The following CCDC171 variants were observed in gnomAD, a reference collection of about 807,000 sequenced individuals.
CCDC171 encodes coiled-coil domain containing 171.
In CCDC171, 177 loss-of-function variants were observed where a neutral mutation model predicts 168.2. That is an observed-to-expected ratio of 1.05 (90% CI 0.93 to 1.19). CCDC171 has a LOEUF of 1.19. Among genes scored for constraint, CCDC171 ranks in the 50% most tolerant of loss-of-function variants. CCDC171 has a pLI of 0.00. For missense variants in CCDC171, 1,991 were observed against 1,539.0 expected (o/e 1.29, Z -4.91); for synonymous variants, 687 against 540.8 (o/e 1.27, Z -3.75).
chr9:15,947,196 G>T (rs1397407654), intron 25 of CCDC171, among the ~76,000 whole-genome samples: 1 of 151,910 alleles, frequency 6.6e-6, no homozygotes, highest in Non-Finnish European at 1.5e-5. Context: ...GAAAATTATA[G>T]TTGCATATAT....
intron 25 of CCDC171, among the ~76,000 whole-genome samples, chr9:15,935,122 C>T (rs998132888): frequency 1.3e-4 from 20 of 151,994 alleles, no homozygotes; most frequent in African/African-American, 4.8e-4. Flanking sequence ...TTCCTGATGC[C>T]ATTGAATTGT....
chr9:15,636,972 T>C (rs1379151132), intron 7 of CCDC171, among the ~76,000 whole-genome samples: 1 of 151,148 alleles, frequency 6.6e-6, no homozygotes, highest in East Asian at 2.0e-4. Context: ...TAAGAAAATA[T>C]CGGCTGGGCG....
chr9:15,781,492 A>G (rs910898248), intron 20 of CCDC171, among the ~76,000 whole-genome samples: 1 of 152,146 alleles, frequency 6.6e-6, no homozygotes, highest in Non-Finnish European at 1.5e-5. Flanking sequence ...ATCTCAGCTC[A>G]CTGCAGCCTC....
intron 3 of CCDC171, among the ~76,000 whole-genome samples, chr9:16,008,099 AT>A (rs1230477196): frequency 1.3e-5 from 2 of 152,058 alleles, no homozygotes; most frequent in South Asian, 2.1e-4. Context: ...AAGTTTATCC[AT>A]TTTTTTGTTC....
chr9:16,008,389 A>T (rs1023612820), intron 3 of CCDC171, among the ~76,000 whole-genome samples: 1 of 152,018 alleles, frequency 6.6e-6, no homozygotes, highest in African/African-American at 2.4e-5. Context: ...TTAAGATCTC[A>T]TCTAAGTCTG....
downstream of CCDC171, among the ~76,000 whole-genome samples, chr9:16,065,145 C>T (rs997979923): frequency 2.6e-5 from 4 of 152,190 alleles, no homozygotes; most frequent in African/African-American, 4.8e-5. Context: ...TTCCCATAGC[C>T]ACTTACCAAA....
chr9:15,935,888 A>G (rs1260863691), intron 25 of CCDC171, among the ~76,000 whole-genome samples: 1 of 152,108 alleles, frequency 6.6e-6, no homozygotes, highest in Non-Finnish European at 1.5e-5. Context: ...AACTAAATGT[A>G]ATCAGACTCC....
At position 15,579,047 on chromosome 9, in the gene CCDC171, C is replaced by T. The variant is rs750599141; in HGVS notation, c.352+24C>T. 7.5e-6 allele frequency: 12 copies of T among 1,600,190 alleles called. No homozygotes were observed. The Admixed American group carries it at 1.9e-4, about 25-fold the overall frequency. On this transcript the variant is annotated intron_variant, in intron 4 of 25. Transcript: ENST00000380701. ...TGGTAAGACTGTTTCTATTTCTTCCCAAGTTTAGGGTTGTAACCTGATTGT... is the reference window on the plus strand; with the variant it reads ...TGGTAAGACTGTTTCTATTTCTTCCTAAGTTTAGGGTTGTAACCTGATTGT...
At chr9:15,728,142 T>C (rs2053933078) in intron 15 of CCDC171, 106 bp downstream of exon 15, 1 of 867,708 alleles carries the variant, frequency 1.2e-6, no homozygotes. Context: ...AAAAAGAATT[T>C]GGATGTTAAT....
At position 15,587,434 on chromosome 9, in the gene CCDC171, T is replaced by C. The variant is rs139686677; in HGVS notation, c.353-3932T>C. On this transcript the variant is annotated intron_variant, in intron 4 of 25. Coordinates refer to ENST00000380701, the MANE Select transcript of CCDC171 (RefSeq NM_173550.4). ...TGCCTGCTGCCATGCATGTAAGATATGACTTGCTTCTCCTTGCCTTCTGCC... is the reference window on the plus strand; with the variant it reads ...TGCCTGCTGCCATGCATGTAAGATACGACTTGCTTCTCCTTGCCTTCTGCC... 3.3e-5 allele frequency among the ~76,000 whole-genome samples: 5 copies of C among 152,328 alleles called. No homozygotes were observed. The East Asian group carries it at 5.8e-4, about 18-fold the overall frequency.
intron 18 of CCDC171, among the ~76,000 whole-genome samples, chr9:15,768,023 C>T (rs1432576017): frequency 1.3e-5 from 2 of 150,402 alleles, no homozygotes; most frequent in Non-Finnish European, 3.0e-5. Context: ...GGGTGAGCCA[C>T]TGCGCCCAGC....
the CCDC171 span, among the ~76,000 whole-genome samples, chr9:16,073,096 T>C: frequency 1.3e-5 from 2 of 152,230 alleles, no homozygotes. Flanking sequence ...CTATTTTGCC[T>C]AAGGGCCCCT....
At position 15,862,313 on chromosome 9, in the gene CCDC171, A is replaced by AT. The variant is rs763268422; in HGVS notation, c.3469-12208dup. On this transcript the variant is annotated intron_variant, in intron 23 of 25. Transcript: ENST00000380701. ...ACGTGGCCTATCTTCAAGTTCACCA[A>AT]TTTTTTTTTTTCTGCTGGTTTTAGT... Among the ~76,000 whole-genome samples, 1,227 of 146,010 alleles carry AT rather than the reference A, an allele frequency of 8.4e-3. 14 individuals carry two copies. Among genetic ancestry groups the AT allele is most frequent in the African/African-American group, 0.025 (1,002 of 40,130 alleles).
intron 21 of CCDC171, among the ~76,000 whole-genome samples, chr9:15,806,823 A>G (rs1467269712): frequency 1.3e-5 from 2 of 151,956 alleles, no homozygotes; most frequent in Admixed American, 1.3e-4. Flanking sequence ...ATGTTTCCTG[A>G]CTTGTTTGCT....
intron 25 of CCDC171, among the ~76,000 whole-genome samples, chr9:15,970,141 AC>A (rs1472093912): frequency 6.6e-6 from 1 of 152,164 alleles, no homozygotes; most frequent in Non-Finnish European, 1.5e-5. Flanking sequence ...AATCAAAAGA[AC>A]AAAGATCAAA....
At chr9:15,769,133 A>G (rs974167245) in intron 18 of CCDC171, among the ~76,000 whole-genome samples, 1 of 152,252 alleles carries the variant, frequency 6.6e-6, no homozygotes, top group Non-Finnish European at 1.5e-5. Flanking sequence ...GGATTATTGT[A>G]TTAGAAATAT....
intron 3 of CCDC171, among the ~76,000 whole-genome samples, chr9:15,990,140 G>A (rs1386646341): frequency 6.6e-6 from 1 of 152,074 alleles, no homozygotes; most frequent in Non-Finnish European, 1.5e-5. Flanking sequence ...ATTCACCAAA[G>A]TTGAAATGAA....
In CCDC171 at chr9:15,824,174, CTA is replaced by C. The variant is rs1481030691; in HGVS notation, c.3268-22526_3268-22525del. 5.9e-5 allele frequency among the ~76,000 whole-genome samples: 9 copies of C among 152,006 alleles called. No homozygotes were observed. In the East Asian group the frequency reaches 1.5e-3, roughly 26 times the overall value. On this transcript the variant is annotated intron_variant, in intron 21 of 25. Transcript: ENST00000380701. ...GCTTTTCACTTCTGAAATCATGTAT[CTA>C]TGTTTATCTGTATAGACATCCACAT... is the stretch of plus-strand genomic sequence containing the variant.
intron 18 of CCDC171, among the ~76,000 whole-genome samples, chr9:15,756,490 G>A (rs1041213354): frequency 6.6e-6 from 1 of 152,128 alleles, no homozygotes; most frequent in Non-Finnish European, 1.5e-5. Context: ...CACCCAGGTA[G>A]TGAGCATAGT....
Sources: gnomAD v4.1 joint callset for allele counts (sites outside exome capture counted in the v4.1 genomes callset) on GRCh38, gnomAD v4.1.1 for gene constraint, MANE v1.5 for transcripts, NCBI Gene and HGNC (gene_info 2026-07-23, HGNC 2026-07-21) for gene names.